DMD: variants seen among roughly 807,000 people sequenced by gnomAD.
DMD encodes the protein mutant dystrophin.
A neutral mutation model predicts 330.1 loss-of-function variants in DMD; 63 were observed. The ratio of observed to expected loss-of-function variants is 0.19; its 90% CI spans 0.16 to 0.24. DMD has a LOEUF of 0.24. Among genes scored for constraint, DMD ranks in the 10% least tolerant of loss-of-function variants. The pLI is 1.00. For synonymous variants in DMD, 1,223 were observed against 959.8 expected (o/e 1.27, Z -5.07); for missense variants, 3,344 against 2,684.1 (o/e 1.25, Z -5.43).
chrX:31,403,001 G>A (rs183002141), intron 60 of DMD, among the ~76,000 whole-genome samples: 55 of 111,586 alleles, frequency 4.9e-4, no homozygotes, highest in African/African-American at 1.7e-3. Flanking sequence ...ATAGGGCATC[G>A]ATAATCTCTC....
intron 44 of DMD, among the ~76,000 whole-genome samples, chrX:32,014,804 G>C (rs903570752): frequency 1.8e-5 from 2 of 111,951 alleles, no homozygotes; most frequent in Non-Finnish European, 3.8e-5. Context: ...AGAGATTAAA[G>C]ATTAAAACGT....
chrX:31,635,078 A>G (rs2079339377), intron 54 of DMD, among the ~76,000 whole-genome samples: 2 of 111,621 alleles, frequency 1.8e-5, no homozygotes, highest in South Asian at 7.5e-4. Flanking sequence ...TGGTTAATAT[A>G]CAGAGACTCA....
At chrX:31,746,716 A>G (rs965566882) in intron 51 of DMD, among the ~76,000 whole-genome samples, 23 of 110,973 alleles carry the variant, frequency 2.1e-4, no homozygotes, top group Non-Finnish European at 1.5e-4. Context: ...ACCTTAAACA[A>G]TGCTATATTA....
intron 55 of DMD, among the ~76,000 whole-genome samples, chrX:31,564,101 A>G (rs1192074498): frequency 1.8e-5 from 2 of 111,039 alleles, no homozygotes; most frequent in African/African-American, 6.6e-5. Context: ...CCAACAAACC[A>G]TCAGAAACTA....
At chrX:32,888,169 G>A (rs181558636) in intron 2 of DMD, among the ~76,000 whole-genome samples, 1,159 of 110,399 alleles carry the variant, frequency 0.01, 7 homozygotes, top group Middle Eastern at 0.024. Context: ...TAAGTTCTGG[G>A]ATACATGTGC....
At chrX:31,761,957 G>T (rs1481948822) in intron 51 of DMD, among the ~76,000 whole-genome samples, 1 of 112,110 alleles carries the variant, frequency 8.9e-6, no homozygotes, top group Non-Finnish European at 1.9e-5. Flanking sequence ...TCCAAATTCT[G>T]TTCAGACTAG....
intron 37 of DMD, 126 bp from the exon 38 acceptor site, chrX:32,348,654 G>T: frequency 1.6e-6 from 1 of 627,325 alleles, no homozygotes; most frequent in Non-Finnish European, 2.4e-6. Flanking sequence ...TCCATATTAT[G>T]TTTTATGAAG....
At chrX:32,787,201 ATCTC>A (rs201137872) in intron 7 of DMD, among the ~76,000 whole-genome samples, 56 of 98,548 alleles carry the variant, frequency 5.7e-4, no homozygotes, top group East Asian at 4.2e-3. Context: ...CTGTGAATCA[ATCTC>A]TCTGTCAAGT....
chrX:32,615,167 C>T (rs188199304), intron 11 of DMD, among the ~76,000 whole-genome samples: 2 of 111,421 alleles, frequency 1.8e-5, no homozygotes, highest in Non-Finnish European at 3.8e-5. Context: ...CTTATATTCT[C>T]GGTCTTCAGA....
At chrX:32,853,791 C>CA (rs2081332989) in intron 2 of DMD, among the ~76,000 whole-genome samples, 7 of 60,275 alleles carry the variant, frequency 1.2e-4, no homozygotes, top group African/African-American at 4.0e-4. Context: ...AAAAAACAAA[C>CA]AACAACAACA....
chrX:32,815,494 C>CATATATATAT (rs1557051738), intron 6 of DMD, among the ~76,000 whole-genome samples: 31 of 71,853 alleles, frequency 4.3e-4, no homozygotes, highest in East Asian at 2.3e-3. Flanking sequence ...CACACACAAG[C>CATATATATAT]ATATATATAT....
intron 37 of DMD, among the ~76,000 whole-genome samples, chrX:32,358,393 T>A (rs980025060): frequency 9.0e-6 from 1 of 111,540 alleles, no homozygotes; most frequent in Admixed American, 9.5e-5. Flanking sequence ...ACAGAGACAG[T>A]TGAGACAAGG....
intron 52 of DMD, among the ~76,000 whole-genome samples, chrX:31,719,137 G>A (rs1243736536): frequency 9.0e-6 from 1 of 111,498 alleles, no homozygotes; most frequent in East Asian, 2.8e-4. Context: ...AGTTTTATAT[G>A]AGAAAAAAGC....
chrX:32,142,309 T>G (rs1337965779), intron 44 of DMD, among the ~76,000 whole-genome samples: 2 of 112,095 alleles, frequency 1.8e-5, no homozygotes, highest in African/African-American at 6.5e-5. Context: ...GTCAGAAGAC[T>G]ACATAGGAAA....
chrX:31,612,248 G>A (rs2077965013), intron 55 of DMD, among the ~76,000 whole-genome samples: 1 of 111,537 alleles, frequency 9.0e-6, no homozygotes. Flanking sequence ...TTTGTGTCTG[G>A]TTTATTTCAC....
intron 33 of DMD, among the ~76,000 whole-genome samples, chrX:32,382,323 G>A (rs1457969446): frequency 9.5e-6 from 1 of 105,191 alleles, no homozygotes; most frequent in Non-Finnish European, 2.0e-5. Context: ...AGCCCAATAG[G>A]CACCACTGAC....
At chrX:31,489,206 T>C (rs2069056860) in intron 57 of DMD, among the ~76,000 whole-genome samples, 1 of 112,120 alleles carries the variant, frequency 8.9e-6, no homozygotes, top group Non-Finnish European at 1.9e-5. Flanking sequence ...AGTGGCACAA[T>C]CTTGGTTCAC....
chrX:31,308,965 GT>G (rs1215321392), intron 62 of DMD, among the ~76,000 whole-genome samples: 1 of 111,098 alleles, frequency 9.0e-6, no homozygotes, highest in Non-Finnish European at 1.9e-5. Flanking sequence ...CTGACCTCAG[GT>G]GATTTGCCCA....
At chrX:32,691,166 T>C (rs112559486) in intron 9 of DMD, among the ~76,000 whole-genome samples, 1,890 of 110,771 alleles carry the variant, frequency 0.017, 43 homozygotes, top group African/African-American at 0.058. Flanking sequence ...AGCTACATTC[T>C]AAGTTATCAA....
Sources: allele counts gnomAD v4.1 joint callset (sites outside exome capture counted in the v4.1 genomes callset), GRCh38; gene constraint gnomAD v4.1.1; transcripts MANE v1.5; gene names NCBI Gene and HGNC (gene_info 2026-07-23, HGNC 2026-07-21).